The following SLC4A7 variants were observed in gnomAD, a reference collection of about 807,000 sequenced individuals.
SLC4A7 encodes the protein solute carrier family 4 member 7.
A neutral mutation model predicts 137.6 loss-of-function variants in SLC4A7; 51 were observed. That is an observed-to-expected ratio of 0.37 (90% CI 0.30 to 0.47). The LOEUF (loss-of-function observed/expected upper bound fraction) is 0.47, where lower values mean the gene tolerates loss of function less well. Among genes scored for constraint, SLC4A7 ranks in the 20% least tolerant of loss-of-function variants. The pLI is 1.00. For missense variants in SLC4A7, 1,247 were observed against 1,525.4 expected (o/e 0.82, Z 3.04); for synonymous variants, 542 against 518.6 (o/e 1.05, Z -0.61).
chr3:27,415,655 A>AGCCAAAC (rs2054308568), intron 11 of SLC4A7, among the ~76,000 whole-genome samples: 1 of 152,228 alleles, frequency 6.6e-6, no homozygotes, highest in African/African-American at 2.4e-5. Context: ...ACATTTTTTA[A>AGCCAAAC]GCCAAACTTC....
chr3:27,465,054 T>C (rs1190330180), intron 1 of SLC4A7, among the ~76,000 whole-genome samples: 1 of 152,062 alleles, frequency 6.6e-6, no homozygotes, highest in Non-Finnish European at 1.5e-5. Context: ...CACCAGCACT[T>C]TGGGAGGCCA....
Position 27,431,732 on chromosome 3 carries a change from T to C in SLC4A7, c.779-63A>G, listed in dbSNP as rs994415665. 8 of 1,438,910 alleles carry C rather than the reference T, an allele frequency of 5.6e-6. No individual in the cohort carries two copies. The African/African-American group carries it at 1.0e-4, about 18-fold the overall frequency. 89.1% of individuals were successfully genotyped at this position (1,438,910 alleles called of 1,614,324 possible). A position where few individuals can be genotyped will look rare whatever the true frequency, so the allele number is the denominator to read the frequency against. On this transcript the variant is annotated intron_variant, in intron 6 of 25. Transcript: ENST00000454389. Reference sequence around the variant, plus strand: ...ACTGCAGAAGGCAAATAGAGACATTTAAAAAAAAATCAATTTACACTATAA... The same window carrying C: ...ACTGCAGAAGGCAAATAGAGACATTCAAAAAAAAATCAATTTACACTATAA...
intron 1 of SLC4A7, among the ~76,000 whole-genome samples, chr3:27,483,442 G>C (rs1419532439): frequency 6.6e-6 from 1 of 152,234 alleles, no homozygotes; most frequent in African/African-American, 2.4e-5. Context: ...CAGTGGAGAA[G>C]GCGGACCCGG....
At chr3:27,458,014 G>T (rs1371756209) in intron 1 of SLC4A7, among the ~76,000 whole-genome samples, 1 of 152,088 alleles carries the variant, frequency 6.6e-6, no homozygotes, top group African/African-American at 2.4e-5. Context: ...GGTAAAAATG[G>T]TGTTCCATGA....
At chr3:27,479,708 T>TA (rs1363345873) in intron 1 of SLC4A7, among the ~76,000 whole-genome samples, 9 of 152,114 alleles carry the variant, frequency 5.9e-5, no homozygotes, top group Non-Finnish European at 2.9e-5. Flanking sequence ...TAAATGAAAA[T>TA]AGAGGTAAAA....
At position 27,404,824 on chromosome 3, in the gene SLC4A7, A is replaced by T. The variant is rs2053177992; in HGVS notation, c.2075+6T>A. On this transcript the variant is annotated splice_donor_region_variant and intron_variant, in intron 14 of 25. Coordinates refer to ENST00000454389, the MANE Select transcript of SLC4A7 (RefSeq NM_001321103.2). ...CATGTGATAAGTAGAGAGGGCTATT[A>T]CTTACCTGCAGAATTTATATAAAAT... The T allele has an allele frequency of 6.3e-7, 1 of 1,592,838 alleles. No homozygotes were observed.
At chr3:27,387,737 C>A (rs1246977832) in intron 22 of SLC4A7, among the ~76,000 whole-genome samples, 4 of 152,008 alleles carry the variant, frequency 2.6e-5, no homozygotes, top group African/African-American at 4.8e-5. Context: ...TGTTGAAGAA[C>A]ACCATGTGAC....
At chr3:27,380,666 ATGT>A (rs1443740940) in intron 24 of SLC4A7, among the ~76,000 whole-genome samples, 1 of 152,200 alleles carries the variant, frequency 6.6e-6, no homozygotes, top group Non-Finnish European at 1.5e-5. Context: ...TAAAATCAGA[ATGT>A]TGTTTACAAA....
chr3:27,402,057 A>G (rs928010447), intron 15 of SLC4A7, among the ~76,000 whole-genome samples: 6 of 152,328 alleles, frequency 3.9e-5, no homozygotes, highest in Admixed American at 3.3e-4. Flanking sequence ...CGAATGAACA[A>G]AAGAGGGAAG....
At chr3:27,436,973 G>C (rs2056787780) in intron 4 of SLC4A7, among the ~76,000 whole-genome samples, 1 of 152,148 alleles carries the variant, frequency 6.6e-6, no homozygotes, top group Non-Finnish European at 1.5e-5. Context: ...GAAATTCTCT[G>C]CTCACTGGTT....
At chr3:27,463,674 G>A (rs1175064653) in intron 1 of SLC4A7, among the ~76,000 whole-genome samples, 2 of 152,132 alleles carry the variant, frequency 1.3e-5, no homozygotes, top group Non-Finnish European at 2.9e-5. Context: ...GTGGAGCCGC[G>A]AAGTTTGCGC....
At chr3:27,430,019 C>T (rs1018842625) in intron 7 of SLC4A7, among the ~76,000 whole-genome samples, 1 of 151,778 alleles carries the variant, frequency 6.6e-6, no homozygotes, top group African/African-American at 2.4e-5. Flanking sequence ...AGTTCAAGAC[C>T]AGCCTGGGCA....
intron 15 of SLC4A7, among the ~76,000 whole-genome samples, chr3:27,401,302 CA>C (rs1051624243): frequency 2.0e-5 from 3 of 152,140 alleles, no homozygotes; most frequent in African/African-American, 4.8e-5. Context: ...CCTACCTACT[CA>C]CAGTCACCCT....
chr3:27,403,942 G>C (rs1308436434), intron 14 of SLC4A7, among the ~76,000 whole-genome samples: 6 of 152,180 alleles, frequency 3.9e-5, no homozygotes, highest in Non-Finnish European at 7.3e-5. Context: ...AGTCTATGTG[G>C]CATGCCAGAT....
Position 27,400,835 on chromosome 3 carries a change from C to T in SLC4A7, c.2356G>A (p.Glu786Lys). Reference sequence around the variant, plus strand: ...TCTTTCTTCCATTGTGCTAGAGTTTCATTGCTGGGGTTTGGAGGTTCAGTA... The same window carrying T: ...TCTTTCTTCCATTGTGCTAGAGTTTTATTGCTGGGGTTTGGAGGTTCAGTA... ...VCTEPPNPSN[E>K]TLAQWKKDNI... is the part of the protein sequence containing the mutation. The change falls in exon 16 of 26, where the codon GAA becomes AAA. Residue 786 changes from glutamate (E) to lysine (K), a missense_variant. By Grantham distance (56) the Glu-to-Lys change is moderately conservative. Coordinates refer to ENST00000454389, the MANE Select transcript of SLC4A7 (RefSeq NM_001321103.2). The T allele has an allele frequency of 6.2e-7, 1 of 1,607,834 alleles. No individual in the cohort carries two copies. The highest frequency in any genetic ancestry group is 8.5e-7 in the Non-Finnish European group (1 of 1,174,474).
intron 3 of SLC4A7, among the ~76,000 whole-genome samples, chr3:27,446,697 G>GC (rs1032875203): frequency 6.6e-6 from 1 of 151,952 alleles, no homozygotes; most frequent in Non-Finnish European, 1.5e-5. Flanking sequence ...GTATAGAACA[G>GC]TTTTTTACTG....
chr3:27,409,223 A>C, intron 13 of SLC4A7, 133 bp downstream of exon 13: 1 of 621,032 alleles, frequency 1.6e-6, no homozygotes, highest in Non-Finnish European at 2.7e-6. Flanking sequence ...CTTTGGGGAA[A>C]GTCTGCTTTG....
intron 18 of SLC4A7, among the ~76,000 whole-genome samples, chr3:27,396,108 C>G (rs2052132458): frequency 6.6e-6 from 1 of 152,076 alleles, no homozygotes; most frequent in Non-Finnish European, 1.5e-5. Flanking sequence ...ATTACCTCAA[C>G]TTGGTATTAA....
At position 27,450,106 on chromosome 3, in the gene SLC4A7, T is replaced by C. The variant is rs2057966249; in HGVS notation, c.143-1309A>G. On this transcript the variant is annotated intron_variant, in intron 2 of 25. Coordinates refer to ENST00000454389, the MANE Select transcript of SLC4A7 (RefSeq NM_001321103.2). The stretch of plus-strand genomic sequence containing the variant: ...CAGGTAAGGCTTAAAAATGTGATAC[T>C]CTGACATCTTATTTCAGCTGCCAAT... Among the ~76,000 whole-genome samples the C allele has an allele frequency of 2.0e-5, 3 of 152,182 alleles. No individual in the cohort carries two copies. In the South Asian group the frequency reaches 6.2e-4, roughly 32 times the overall value.
Sources: allele counts gnomAD v4.1 joint callset (sites outside exome capture counted in the v4.1 genomes callset), GRCh38; gene constraint gnomAD v4.1.1; transcripts MANE v1.5; gene names NCBI Gene and HGNC (gene_info 2026-07-23, HGNC 2026-07-21).